The following ASAP1 variants were observed in gnomAD, a reference collection of about 807,000 sequenced individuals.
The protein encoded by ASAP1 is ArfGAP with SH3 domain, ankyrin repeat and PH domain 1, also known as arf-GAP with SH3 domain, ANK repeat and PH domain-containing protein 1.
Under a neutral mutation model 145.2 loss-of-function variants are expected in ASAP1, and 43 were observed. The ratio of observed to expected loss-of-function variants is 0.30; its 90% CI spans 0.23 to 0.38. The LOEUF (loss-of-function observed/expected upper bound fraction) is 0.38, where lower values mean the gene tolerates loss of function less well. ASAP1 is among the 10% of genes least tolerant of loss of function. The probability of loss-of-function intolerance (pLI) is 1.00; values close to 1 mark genes in which losing one functional copy is unlikely to be tolerated. For synonymous variants in ASAP1, 546 were observed against 515.5 expected (o/e 1.06, Z -0.80); for missense variants, 1,018 against 1,355.3 (o/e 0.75, Z 3.91).
At chr8:130,201,661 AG>A (rs1459433905) in intron 5 of ASAP1, among the ~76,000 whole-genome samples, 6 of 152,270 alleles carry the variant, frequency 3.9e-5, no homozygotes, top group African/African-American at 1.4e-4. Flanking sequence ...AAGTAAAAGG[AG>A]GGGGTGTGCT....
chr8:130,268,988 C>G (rs921197022), intron 3 of ASAP1, among the ~76,000 whole-genome samples: 2 of 152,104 alleles, frequency 1.3e-5, no homozygotes, highest in African/African-American at 4.8e-5. Flanking sequence ...CAGTCAAAGG[C>G]ACTTAAACTA....
At chr8:130,074,438 T>C (rs1216265549) in intron 27 of ASAP1, among the ~76,000 whole-genome samples, 1 of 93,758 alleles carries the variant, frequency 1.1e-5, no homozygotes, top group South Asian at 3.5e-4. Context: ...TTCCAAATAG[T>C]AAACACACAC....
At chr8:130,119,793 G>A (rs1041901326) in intron 18 of ASAP1, among the ~76,000 whole-genome samples, 5 of 149,306 alleles carry the variant, frequency 3.3e-5, no homozygotes, top group Non-Finnish European at 7.4e-5. Flanking sequence ...TAATCGTCAT[G>A]AGCTTCAGTT....
chr8:130,124,289 A>G (rs2097571421), intron 17 of ASAP1, among the ~76,000 whole-genome samples, 185 bp from the exon 18 acceptor site: 1 of 152,230 alleles, frequency 6.6e-6, no homozygotes, highest in Admixed American at 6.5e-5. Flanking sequence ...GCACCAAACT[A>G]AGTGCTGGAA....
At chr8:130,431,137 C>G (rs185966078) in intron 1 of ASAP1, among the ~76,000 whole-genome samples, 148 of 152,282 alleles carry the variant, frequency 9.7e-4, no homozygotes, top group Non-Finnish European at 1.7e-3. Context: ...CCCCATCCCC[C>G]CTCCAAATGA....
intron 12 of ASAP1, among the ~76,000 whole-genome samples, chr8:130,155,837 C>T (rs1006554398): frequency 3.3e-5 from 5 of 152,220 alleles, no homozygotes; most frequent in African/African-American, 7.2e-5. Flanking sequence ...CACACGATTA[C>T]TGATTATGCC....
chr8:130,166,780 C>T (rs1390640050), intron 11 of ASAP1, among the ~76,000 whole-genome samples: 3 of 152,304 alleles, frequency 2.0e-5, no homozygotes, highest in Middle Eastern at 3.4e-3. Context: ...CCAGCCTCTA[C>T]CATGCATTCT....
chr8:130,086,319 T>A (rs909342975), intron 25 of ASAP1, among the ~76,000 whole-genome samples: 5 of 152,238 alleles, frequency 3.3e-5, no homozygotes, highest in Non-Finnish European at 5.9e-5. Flanking sequence ...TAATAGCATT[T>A]TCTCTCTGTG....
intron 25 of ASAP1, among the ~76,000 whole-genome samples, chr8:130,087,244 G>T (rs141796531): frequency 5.9e-5 from 9 of 152,278 alleles, no homozygotes; most frequent in African/African-American, 2.2e-4. Flanking sequence ...GGTGGGCCAA[G>T]TTCGGTGGCT....
At chr8:130,225,554 T>C (rs1817541876) in intron 4 of ASAP1, among the ~76,000 whole-genome samples, 1 of 152,202 alleles carries the variant, frequency 6.6e-6, no homozygotes, top group African/African-American at 2.4e-5. Flanking sequence ...TATGAAAACA[T>C]ACTGCTATTT....
chr8:130,349,263 C>G (rs955308648), intron 3 of ASAP1, among the ~76,000 whole-genome samples: 14 of 152,204 alleles, frequency 9.2e-5, no homozygotes. Flanking sequence ...CTGTGCCTCC[C>G]CAGTCCGGGT....
chr8:130,277,230 A>G (rs900966604), intron 3 of ASAP1, among the ~76,000 whole-genome samples: 1 of 152,150 alleles, frequency 6.6e-6, no homozygotes, highest in Non-Finnish European at 1.5e-5. Flanking sequence ...GTCAGCGAGA[A>G]AGGGGAACCA....
Position 130,184,598 on chromosome 8 carries a change from G to A in ASAP1, c.530+2638C>T, listed in dbSNP as rs191643547. On this transcript the variant is annotated intron_variant, in intron 7 of 29. Transcript: ENST00000518721. ...TGAGAAGTGCTACAAAGGGTACCTG[G>A]TCCATCCTAGAATGCTCTGTTCTAT... 3.9e-4 allele frequency among the ~76,000 whole-genome samples: 60 copies of A among 152,302 alleles called. 1 individual carries two copies. Among genetic ancestry groups the A allele is most frequent in the Middle Eastern group, 6.8e-3 (2 of 294 alleles).
intron 3 of ASAP1, among the ~76,000 whole-genome samples, chr8:130,329,955 T>C (rs1209291370): frequency 6.6e-6 from 1 of 152,190 alleles, no homozygotes; most frequent in Non-Finnish European, 1.5e-5. Flanking sequence ...TTCCCTCCTG[T>C]CCTGCCCCAC....
At chr8:130,291,356 C>G (rs919042821) in intron 3 of ASAP1, among the ~76,000 whole-genome samples, 2 of 152,180 alleles carry the variant, frequency 1.3e-5, no homozygotes, top group Non-Finnish European at 2.9e-5. Context: ...GGCCAGACAG[C>G]TGCTTGTTCA....
At chr8:130,414,708 T>C (rs544157911) in intron 1 of ASAP1, among the ~76,000 whole-genome samples, 3 of 152,102 alleles carry the variant, frequency 2.0e-5, no homozygotes, top group Non-Finnish European at 2.9e-5. Flanking sequence ...TTTCTTGATA[T>C]ACGTGTCTTA....
intron 17 of ASAP1, among the ~76,000 whole-genome samples, chr8:130,125,178 T>C (rs1297177640): frequency 6.6e-6 from 1 of 152,128 alleles, no homozygotes; most frequent in African/African-American, 2.4e-5. Context: ...TACTTTATTT[T>C]AAAAATTTCA....
chr8:130,256,864 A>G (rs1342769794), intron 3 of ASAP1, among the ~76,000 whole-genome samples: 1 of 147,944 alleles, frequency 6.8e-6, no homozygotes, highest in Non-Finnish European at 1.5e-5. Flanking sequence ...ATTTCCTTTG[A>G]AAGTTTTATT....
intron 27 of ASAP1, among the ~76,000 whole-genome samples, chr8:130,072,824 T>TGTGTGTGTGCGTGTGCGCGCGCGCGCGC: frequency 3.1e-5 from 1 of 32,282 alleles, no homozygotes; most frequent in Non-Finnish European, 5.7e-5. Flanking sequence ...TGTGTGTGTG[T>TGTGTGTGTGCGTGTGCGCGCGCGCGCGC]GCGCGCGGGG....
Sources: gnomAD v4.1 joint callset for allele counts (sites outside exome capture counted in the v4.1 genomes callset) on GRCh38, gnomAD v4.1.1 for gene constraint, MANE v1.5 for transcripts, NCBI Gene and HGNC (gene_info 2026-07-23, HGNC 2026-07-21) for gene names.